The following PPARG variants were observed in gnomAD, a reference collection of about 807,000 sequenced individuals.
PPARG encodes the protein peroxisome proliferator activated receptor gamma.
In PPARG, 17 loss-of-function variants were observed where a neutral mutation model predicts 39.2. The ratio of observed to expected loss-of-function variants is 0.43; its 90% confidence interval spans 0.30 to 0.65. The LOEUF (loss-of-function observed/expected upper bound fraction) is 0.65. Among genes scored for constraint, PPARG ranks in the 30% least tolerant of loss-of-function variants. The probability of loss-of-function intolerance (pLI) is 0.13; values close to 1 mark genes in which losing one functional copy is unlikely to be tolerated. For missense variants in PPARG, 406 were observed against 585.9 expected, an observed-to-expected ratio of 0.69 and a Z score of 3.17; for synonymous variants, 223 against 215.7, an observed-to-expected ratio of 1.03 and a Z score of -0.30.
chr3:12,402,164 A>G (rs530455656), intron 5 of PPARG, among the ~76,000 whole-genome samples: 12 of 152,328 alleles, frequency 7.9e-5, no homozygotes, highest in African/African-American at 2.6e-4. Flanking sequence ...CTGGCGCACA[A>G]TAGTCATTCA....
intron 2 of PPARG, among the ~76,000 whole-genome samples, chr3:12,353,575 G>A (rs1209911436): frequency 6.6e-6 from 1 of 152,154 alleles, no homozygotes; most frequent in Non-Finnish European, 1.5e-5. Flanking sequence ...AATTGGGGGT[G>A]TTGCAAATGG....
intron 2 of PPARG, among the ~76,000 whole-genome samples, chr3:12,343,149 C>T (rs982862186): frequency 3.9e-5 from 6 of 152,158 alleles, no homozygotes; most frequent in African/African-American, 1.4e-4. Flanking sequence ...TAAATCACTG[C>T]CTAGTAGCCC....
chr3:12,367,549 C>T (rs2049056406), intron 2 of PPARG, among the ~76,000 whole-genome samples: 1 of 151,758 alleles, frequency 6.6e-6, no homozygotes, highest in South Asian at 2.1e-4. Flanking sequence ...AGGAAATATG[C>T]TTTTGAAAAT....
At chr3:12,323,308 C>T (rs926358944) in intron 2 of PPARG, among the ~76,000 whole-genome samples, 4 of 152,138 alleles carry the variant, frequency 2.6e-5, no homozygotes, top group Non-Finnish European at 5.9e-5. Context: ...GGTGACCAGA[C>T]CTCGATTCAG....
At chr3:12,388,910 G>A (rs2049972438) in intron 4 of PPARG, among the ~76,000 whole-genome samples, 1 of 152,196 alleles carries the variant, frequency 6.6e-6, no homozygotes, top group African/African-American at 2.4e-5. Context: ...GGAAGGGTTA[G>A]ATAGCTTACT....
intron 3 of PPARG, among the ~76,000 whole-genome samples, chr3:12,380,440 T>G (rs1483829152): frequency 6.6e-6 from 1 of 152,194 alleles, no homozygotes; most frequent in Non-Finnish European, 1.5e-5. Context: ...ATTGATAAAT[T>G]TTCATGCCAT....
intron 4 of PPARG, among the ~76,000 whole-genome samples, chr3:12,386,987 G>A (rs148711333): frequency 6.6e-6 from 1 of 150,962 alleles, no homozygotes; most frequent in East Asian, 2.0e-4. Context: ...TTCTGTCCTT[G>A]TGATAGTTTG....
chr3:12,412,466 C>T (rs1286471968), intron 6 of PPARG, among the ~76,000 whole-genome samples: 1 of 151,992 alleles, frequency 6.6e-6, no homozygotes. Flanking sequence ...AATTGAAAAT[C>T]AAAATGTCAA....
chr3:12,318,115 A>G (rs550150125), intron 2 of PPARG, among the ~76,000 whole-genome samples: 1 of 152,282 alleles, frequency 6.6e-6, no homozygotes, highest in African/African-American at 2.4e-5. Flanking sequence ...CTGGGACTAC[A>G]GGCACACACC....
intron 2 of PPARG, among the ~76,000 whole-genome samples, chr3:12,324,952 A>G (rs775536289): frequency 7.9e-5 from 12 of 152,208 alleles, no homozygotes; most frequent in Non-Finnish European, 1.8e-4. Context: ...TATTTATGAA[A>G]TGAATGAAAG....
intron 2 of PPARG, among the ~76,000 whole-genome samples, chr3:12,365,038 G>A (rs1215354246): frequency 1.3e-5 from 2 of 152,166 alleles, no homozygotes; most frequent in Non-Finnish European, 1.5e-5. Flanking sequence ...GGTTTCAGGT[G>A]AAACTGGTCC....
At chr3:12,401,951 G>A (rs1364898441) in intron 5 of PPARG, among the ~76,000 whole-genome samples, 1 of 152,120 alleles carries the variant, frequency 6.6e-6, no homozygotes, top group African/African-American at 2.4e-5. Flanking sequence ...ATGGTTTTTC[G>A]GGGTATTTTT....
intron 1 of PPARG, among the ~76,000 whole-genome samples, chr3:12,294,014 C>T (rs1363944290): frequency 1.3e-5 from 2 of 152,148 alleles, no homozygotes; most frequent in Non-Finnish European, 2.9e-5. Flanking sequence ...AGGGTTAGTT[C>T]ACTAAACCAC....
At chr3:12,341,765 C>T (rs867981609) in intron 2 of PPARG, among the ~76,000 whole-genome samples, 12 of 152,112 alleles carry the variant, frequency 7.9e-5, no homozygotes, top group Middle Eastern at 3.4e-3. Context: ...GCTATGATCG[C>T]GCTGCTGCAC....
chr3:12,351,033 A>G (rs1261900358), intron 2 of PPARG, among the ~76,000 whole-genome samples: 2 of 152,218 alleles, frequency 1.3e-5, no homozygotes, highest in East Asian at 1.9e-4. Context: ...CGTTTAAACT[A>G]TGGATACATA....
intron 2 of PPARG, among the ~76,000 whole-genome samples, chr3:12,322,162 C>A (rs2047564832): frequency 6.6e-6 from 1 of 152,116 alleles, no homozygotes; most frequent in Non-Finnish European, 1.5e-5. Flanking sequence ...TACATAGATC[C>A]CTTTACTAGC....
At chr3:12,334,259 C>A (rs1002491517) in intron 2 of PPARG, among the ~76,000 whole-genome samples, 8 of 147,782 alleles carry the variant, frequency 5.4e-5, no homozygotes, top group African/African-American at 7.5e-5. Context: ...GAGACAGAGT[C>A]TTGCTCTGTG....
Position 12,417,145 on chromosome 3 carries a change from C to G in PPARG, c.1171C>G (p.Leu391Val), listed in dbSNP as rs2051091088. 6.2e-7 allele frequency: 1 copy of G among 1,613,632 alleles called. No homozygotes were observed. Residue 391 changes from leucine to valine, a missense_variant, in exon 7 of 8, where the codon CTC (leucine) becomes GTC (valine). Physicochemically the swap from Leu to Val is conservative, Grantham distance 32 (BLOSUM62 1). This residue lies in a region of PPARG where 275 missense variants were observed against 458.0 expected (regional missense o/e 0.60). Transcript: ENST00000651735. ...DLAIFIAVIILSGDRPGLLNV... is the reference protein window; with the variant it reads ...DLAIFIAVIIVSGDRPGLLNV... ...GGCAATATTTATTGCTGTCATTATTCTCAGTGGAGGTAAGATTTGTCTTTT... is the reference window on the plus strand; with the variant it reads ...GGCAATATTTATTGCTGTCATTATTGTCAGTGGAGGTAAGATTTGTCTTTT...
chr3:12,408,602 T>G (rs1234977376), intron 6 of PPARG, among the ~76,000 whole-genome samples: 2 of 148,512 alleles, frequency 1.3e-5, no homozygotes, highest in African/African-American at 5.1e-5. Flanking sequence ...GGGGTCTTGC[T>G]TTGTTGCCCA....
Sources: gnomAD v4.1 joint callset for allele counts (sites outside exome capture counted in the v4.1 genomes callset) on GRCh38, gnomAD v4.1.1 for gene constraint, gnomAD v4.1.1 regional missense constraint, MANE v1.5 for transcripts, NCBI Gene and HGNC (gene_info 2026-07-23, HGNC 2026-07-21) for gene names.